The following GTPBP6 variants were observed in gnomAD, a reference collection of about 807,000 sequenced individuals.
GTPBP6 encodes the protein putative GTP-binding protein 6.
In GTPBP6, 33 loss-of-function variants were observed where a neutral mutation model predicts 28.9. The ratio of observed to expected loss-of-function variants is 1.14; its 90% CI spans 0.87 to 1.53. The LOEUF (loss-of-function observed/expected upper bound fraction) is 1.53. Among genes scored for constraint, GTPBP6 ranks in the 40% most tolerant of loss-of-function variants. GTPBP6 has a pLI of 0.00. For synonymous variants in GTPBP6, 231 were observed against 192.7 expected, an observed-to-expected ratio of 1.20 and a Z score of -1.65; for missense variants, 507 against 408.3, an observed-to-expected ratio of 1.24 and a Z score of -2.08.
chrX:316,822 C>T (rs1244305928), intron 2 of GTPBP6, 92 bp downstream of exon 2: 4 of 399,020 alleles, frequency 1.0e-5, no homozygotes, highest in African/African-American at 2.1e-5. Context: ...CCCCGCAAGA[C>T]CCCCGTACTT....
Position 311,400 on chromosome X carries a change from C to A in GTPBP6, c.1125+19G>T. On this transcript the variant is annotated intron_variant, in intron 7 of 9. Coordinates refer to ENST00000326153, the Ensembl canonical transcript of GTPBP6. Reference sequence around the variant, plus strand: ...GAATGGGTGTCCGAGCACCCGATCCCCGGCCGTCCCACGCTCACCGAGTGG... The same window carrying A: ...GAATGGGTGTCCGAGCACCCGATCCACGGCCGTCCCACGCTCACCGAGTGG... 2.5e-6 allele frequency: 4 copies of A among 1,591,546 alleles called. No individual in the cohort carries two copies. Among genetic ancestry groups the A allele is most frequent in the Non-Finnish European group, 1.7e-6 (2 of 1,165,686 alleles).
intron 7 of GTPBP6, among the ~76,000 whole-genome samples, chrX:308,524 C>T (rs1370593252): frequency 1.3e-5 from 2 of 151,858 alleles, no homozygotes; most frequent in Non-Finnish European, 2.9e-5. Flanking sequence ...ACAGAAAGTA[C>T]AAAAATTAGC....
chrX:312,719 G>A (rs745746408), intron 6 of GTPBP6, 47 bp downstream of exon 6: 40 of 1,042,822 alleles, frequency 3.8e-5, no homozygotes, highest in South Asian at 1.8e-4. Context: ...AGTCCTCACC[G>A]GTGACACGGA....
chrX:318,063 G>A (rs1312770318), intron 1 of GTPBP6, among the ~76,000 whole-genome samples: 1 of 124,006 alleles, frequency 8.1e-6, no homozygotes, highest in Admixed American at 8.6e-5. Flanking sequence ...CTGAAGCCCC[G>A]CCCCTACGTC....
At chrX:317,173 C>G (rs1470386568) in intron 1 of GTPBP6, 122 bp from the exon 2 acceptor site, 1 of 397,988 alleles carries the variant, frequency 2.5e-6, no homozygotes, top group Admixed American at 4.4e-5. Context: ...CTTGAGCCGC[C>G]GTTTGTCCCC....
exon 4 of GTPBP6, chrX:314,983 T>C (rs1184296974): frequency 1.8e-5 from 7 of 398,486 alleles, no homozygotes; most frequent in African/African-American, 4.1e-5. Context: ...CGTGAAGCGG[T>C]CAAACACCTC....
intron 4 of GTPBP6, among the ~76,000 whole-genome samples, chrX:314,597 T>G (rs368592201): frequency 2.6e-5 from 4 of 151,338 alleles, no homozygotes; most frequent in East Asian, 2.0e-4. Context: ...CTCAGCCTCC[T>G]GAGTAGCTGG....
chrX:314,533 C>A lies in GTPBP6; in HGVS notation c.690-316G>T, dbSNP rs773521108. On this transcript the variant is annotated intron_variant, in intron 4 of 9. Transcript: ENST00000326153. ...TGTCACCCAGGCTGGAGTGCAGTGG[C>A]GTGATCTCGGCTCACTGCAAGCTCC... Among the ~76,000 whole-genome samples the A allele has an allele frequency of 6.0e-5, 9 of 150,832 alleles. No homozygotes were observed. In the East Asian group the frequency reaches 1.6e-3, roughly 26 times the overall value.
chrX:310,942 G>T lies in GTPBP6; in HGVS notation c.1125+477C>A, dbSNP rs765660983. ...CGTCTGTGACACGAACGGTCACTCT[G>T]TCTGTCAGGGGTCTGTGACGTGGAG... On this transcript the variant is annotated intron_variant, in intron 7 of 9. Coordinates refer to ENST00000326153, the Ensembl canonical transcript of GTPBP6. Among the ~76,000 whole-genome samples the T allele has an allele frequency of 1.7e-3, 233 of 133,834 alleles. 2 individuals carry two copies. The highest frequency in any genetic ancestry group is 2.6e-3 in the East Asian group (11 of 4,304). 87.8% of individuals were successfully genotyped at this position (133,834 alleles called of 152,430 possible).
intron 8 of GTPBP6, 60 bp from the exon 9 acceptor site, chrX:307,572 G>A: frequency 6.4e-7 from 1 of 1,569,346 alleles, no homozygotes; most frequent in Non-Finnish European, 8.7e-7. Flanking sequence ...ACGAAATCAG[G>A]GTCCCCAGGA....
At chrX:308,974 C>T (rs1183909071) in intron 7 of GTPBP6, among the ~76,000 whole-genome samples, 1 of 152,078 alleles carries the variant, frequency 6.6e-6, no homozygotes, top group African/African-American at 2.4e-5. Flanking sequence ...ATCCACCCGC[C>T]TCAACCTCCC....
At chrX:305,869 C>T (rs1344776376) in intron 9 of GTPBP6, among the ~76,000 whole-genome samples, 2 of 152,174 alleles carry the variant, frequency 1.3e-5, no homozygotes, top group African/African-American at 4.8e-5. Flanking sequence ...TGTGGTCCGC[C>T]CACCTCGGCC....
chrX:317,219 G>A (rs1200149850), intron 1 of GTPBP6, among the ~76,000 whole-genome samples, 168 bp from the exon 2 acceptor site: 1 of 152,156 alleles, frequency 6.6e-6, no homozygotes, highest in East Asian at 1.9e-4. Flanking sequence ...CTCTAAGTAG[G>A]AATCTGACGG....
intron 1 of GTPBP6, among the ~76,000 whole-genome samples, chrX:317,559 G>T (rs2070459946): frequency 1.1e-5 from 1 of 92,226 alleles, no homozygotes; most frequent in East Asian, 3.3e-4. Context: ...TCCTCCTGGG[G>T]GGTGGGGGGT....
chrX:305,286 T>G, intron 9 of GTPBP6, 89 bp from the exon 10 acceptor site: 1 of 1,055,088 alleles, frequency 9.5e-7, no homozygotes, highest in Non-Finnish European at 1.5e-6. Flanking sequence ...AAAAAGAGCT[T>G]AGCTCAAACC....
chrX:311,204 C>T (rs1290932587), intron 7 of GTPBP6, among the ~76,000 whole-genome samples: 2 of 145,474 alleles, frequency 1.4e-5, no homozygotes, highest in Non-Finnish European at 3.0e-5. Flanking sequence ...TGTCTGAGGG[C>T]CCGGCCCCTG....
intron 7 of GTPBP6, among the ~76,000 whole-genome samples, chrX:311,025 C>T (rs780983542): frequency 1.7e-4 from 26 of 151,814 alleles, no homozygotes; most frequent in Non-Finnish European, 2.1e-4. Context: ...AGAGGACTGA[C>T]GGCCGACTTC....
At chrX:310,034 C>T (rs2070252237) in intron 7 of GTPBP6, among the ~76,000 whole-genome samples, 1 of 136,900 alleles carries the variant, frequency 7.3e-6, no homozygotes, top group Admixed American at 7.0e-5. Flanking sequence ...CCCCCAGGAG[C>T]TGGGAGAGGC....
chrX:309,216 A>C (rs969701582), intron 7 of GTPBP6, among the ~76,000 whole-genome samples: 20 of 152,130 alleles, frequency 1.3e-4, no homozygotes, highest in African/African-American at 4.8e-4. Flanking sequence ...TTGCTTGACA[A>C]TATTTCCCCG....
Sources: gnomAD v4.1 joint callset for allele counts (sites outside exome capture counted in the v4.1 genomes callset) on GRCh38, gnomAD v4.1.1 for gene constraint, MANE v1.5 for transcripts, NCBI Gene and HGNC (gene_info 2026-07-23, HGNC 2026-07-21) for gene names.